The following PPM1L variants were observed in gnomAD, a reference collection of about 807,000 sequenced individuals.
PPM1L encodes protein phosphatase, Mg2+/Mn2+ dependent 1L, also known as protein phosphatase 1L.
A neutral mutation model predicts 31.4 loss-of-function variants in PPM1L; 13 were observed. The ratio of observed to expected loss-of-function variants is 0.41; its 90% confidence interval spans 0.27 to 0.66. The LOEUF (loss-of-function observed/expected upper bound fraction) is 0.66. PPM1L is among the 30% of genes least tolerant of loss of function. PPM1L has a pLI of 0.29. For missense variants in PPM1L, 326 were observed against 453.7 expected (o/e 0.72, Z 2.56); for synonymous variants, 184 against 175.4 (o/e 1.05, Z -0.39).
In PPM1L at chr3:160,785,313, A is replaced by G. The variant is rs185261479; in HGVS notation, c.399+28606A>G. 4.7e-3 allele frequency among the ~76,000 whole-genome samples: 717 copies of G among 152,238 alleles called. 11 individuals carry two copies. Among genetic ancestry groups the G allele is most frequent in the African/African-American group, 0.016 (678 of 41,572 alleles). ...TAAGAAATAATAAATTATTTTATTT[A>G]GTTAAAAAGAAAATAGTTTATTATT... On this transcript the variant is annotated intron_variant, in intron 1 of 3. Transcript: ENST00000498165.
intron 1 of PPM1L, among the ~76,000 whole-genome samples, chr3:160,778,688 T>C (rs1711640682): frequency 1.3e-5 from 2 of 152,194 alleles, no homozygotes; most frequent in South Asian, 4.1e-4. Context: ...TTGATAATGC[T>C]TGAAGACATA....
At chr3:160,965,184 G>C (rs972516560) in intron 2 of PPM1L, among the ~76,000 whole-genome samples, 3 of 151,756 alleles carry the variant, frequency 2.0e-5, no homozygotes, top group African/African-American at 4.8e-5. Context: ...CCAGGAGGCG[G>C]AGCTTGCAGT....
chr3:160,942,377 G>A (rs902013811), intron 1 of PPM1L, among the ~76,000 whole-genome samples: 1 of 152,092 alleles, frequency 6.6e-6, no homozygotes, highest in Admixed American at 6.6e-5. Context: ...TTACGGATGT[G>A]AGCCATCACA....
chr3:160,848,890 C>T (rs1714166653), intron 1 of PPM1L, among the ~76,000 whole-genome samples: 1 of 152,190 alleles, frequency 6.6e-6, no homozygotes, highest in Non-Finnish European at 1.5e-5. Flanking sequence ...CCTCTAGGAT[C>T]CTTCTTCTTT....
chr3:160,876,942 T>C (rs1560135349), intron 1 of PPM1L, among the ~76,000 whole-genome samples: 2 of 152,226 alleles, frequency 1.3e-5, no homozygotes, highest in Admixed American at 1.3e-4. Flanking sequence ...AGGCAACCAA[T>C]CATAGGCTAA....
At chr3:161,063,221 A>G (rs1284102313) in intron 2 of PPM1L, among the ~76,000 whole-genome samples, 2 of 152,262 alleles carry the variant, frequency 1.3e-5, no homozygotes, top group Non-Finnish European at 2.9e-5. Flanking sequence ...ATATAAAAAA[A>G]AAATCAAAAA....
At chr3:160,949,919 T>C (rs904712552) in intron 1 of PPM1L, among the ~76,000 whole-genome samples, 1 of 152,208 alleles carries the variant, frequency 6.6e-6, no homozygotes, top group Non-Finnish European at 1.5e-5. Flanking sequence ...ATGCAGTAGA[T>C]GCTACTGAAT....
chr3:160,897,966 A>G (rs570860046), intron 1 of PPM1L, among the ~76,000 whole-genome samples: 1 of 152,336 alleles, frequency 6.6e-6, no homozygotes, highest in South Asian at 2.1e-4. Context: ...ATGGAGTAAC[A>G]GTGATGTTTT....
intron 1 of PPM1L, among the ~76,000 whole-genome samples, chr3:160,851,035 C>T (rs573195595): frequency 6.6e-6 from 1 of 152,062 alleles, no homozygotes; most frequent in South Asian, 2.1e-4. Flanking sequence ...CTTGTAAATA[C>T]GGTCATTTTT....
At position 160,777,390 on chromosome 3, in the gene PPM1L, T is replaced by G. The variant is rs551324201; in HGVS notation, c.399+20683T>G. 2.6e-5 allele frequency among the ~76,000 whole-genome samples: 4 copies of G among 152,274 alleles called. No homozygotes were observed. The East Asian group carries it at 5.8e-4, about 22-fold the overall frequency. ...AATTGTAAAAATCATGTAACAAAAT[T>G]TATCATTATAACCATTTTTAAGTGT... On this transcript the variant is annotated intron_variant, in intron 1 of 3. Coordinates refer to ENST00000498165, the MANE Select transcript of PPM1L (RefSeq NM_139245.4).
intron 2 of PPM1L, among the ~76,000 whole-genome samples, chr3:161,051,572 T>C (rs1448036182): frequency 1.3e-5 from 2 of 152,214 alleles, no homozygotes; most frequent in East Asian, 3.8e-4. Flanking sequence ...ATCAGGATTT[T>C]ATCAGGTCAT....
chr3:160,840,881 A>G (rs1713856838), intron 1 of PPM1L, among the ~76,000 whole-genome samples: 1 of 152,132 alleles, frequency 6.6e-6, no homozygotes, highest in Admixed American at 6.6e-5. Context: ...AGCTGATTGG[A>G]TGGTGCCCAC....
At chr3:160,759,707 T>G (rs1412926025) in intron 1 of PPM1L, among the ~76,000 whole-genome samples, 1 of 152,144 alleles carries the variant, frequency 6.6e-6, no homozygotes, top group African/African-American at 2.4e-5. Context: ...GAGGGACATT[T>G]AAATCAGACT....
At chr3:160,989,468 G>T (rs1050840255) in intron 2 of PPM1L, among the ~76,000 whole-genome samples, 1 of 150,164 alleles carries the variant, frequency 6.7e-6, no homozygotes, top group Non-Finnish European at 1.5e-5. Flanking sequence ...GCAATGCTGC[G>T]ATCTTGGCTC....
At chr3:161,023,364 T>C (rs1035499897) in intron 2 of PPM1L, among the ~76,000 whole-genome samples, 1 of 152,152 alleles carries the variant, frequency 6.6e-6, no homozygotes, top group African/African-American at 2.4e-5. Flanking sequence ...CCTATATATG[T>C]TGTTGCAATT....
chr3:160,954,544 A>T (rs1386873473), intron 1 of PPM1L, among the ~76,000 whole-genome samples: 1 of 151,930 alleles, frequency 6.6e-6, no homozygotes, highest in Non-Finnish European at 1.5e-5. Flanking sequence ...TTGTATTTTT[A>T]GTAGAGACAG....
At chr3:161,035,312 G>C (rs978265280) in intron 2 of PPM1L, among the ~76,000 whole-genome samples, 2 of 152,134 alleles carry the variant, frequency 1.3e-5, no homozygotes, top group African/African-American at 4.8e-5. Context: ...GGTGAGCAAT[G>C]CAGGAAGTGC....
chr3:160,989,832 A>G (rs1717073772), intron 2 of PPM1L, among the ~76,000 whole-genome samples: 1 of 151,294 alleles, frequency 6.6e-6, no homozygotes, highest in Non-Finnish European at 1.5e-5. Flanking sequence ...GCTGATTATT[A>G]TTTTTTATTT....
chr3:160,769,978 T>C (rs1185882649), intron 1 of PPM1L, among the ~76,000 whole-genome samples: 3 of 152,138 alleles, frequency 2.0e-5, no homozygotes, highest in Admixed American at 1.3e-4. Context: ...GTAAATTCTG[T>C]GTATGAGGAT....
Sources: gnomAD v4.1 joint callset for allele counts (sites outside exome capture counted in the v4.1 genomes callset) on GRCh38, gnomAD v4.1.1 for gene constraint, MANE v1.5 for transcripts, NCBI Gene and HGNC (gene_info 2026-07-23, HGNC 2026-07-21) for gene names.